The following NPAS3 variants were observed in gnomAD, a reference collection of about 807,000 sequenced individuals.
NPAS3 encodes the protein neuronal PAS domain protein 3.
NPAS3 carries 14 observed loss-of-function variants against 73.1 expected under a neutral mutation model. The ratio of observed to expected loss-of-function variants is 0.19; its 90% CI spans 0.13 to 0.30. The LOEUF (loss-of-function observed/expected upper bound fraction) is 0.30, where lower values mean the gene tolerates loss of function less well. Among genes scored for constraint, NPAS3 ranks in the 10% least tolerant of loss-of-function variants. The pLI, the probability that NPAS3 is intolerant of heterozygous loss-of-function variation, is 1.00. For synonymous variants in NPAS3, 620 were observed against 541.5 expected (o/e 1.14, Z -2.01); for missense variants, 1,096 against 1,250.0 (o/e 0.88, Z 1.86).
intron 2 of NPAS3, among the ~76,000 whole-genome samples, chr14:33,156,718 C>T (rs2044660468): frequency 6.6e-6 from 1 of 152,076 alleles, no homozygotes; most frequent in South Asian, 2.1e-4. Context: ...ATTGTGCTTT[C>T]CATTACAAAT....
chr14:33,775,450 G>A (rs1262176884), intron 8 of NPAS3, among the ~76,000 whole-genome samples: 1 of 152,196 alleles, frequency 6.6e-6, no homozygotes. Context: ...GATCCGAATG[G>A]TCAAGTGACT....
At chr14:33,098,647 G>T (rs899233662) in intron 2 of NPAS3, among the ~76,000 whole-genome samples, 1 of 152,138 alleles carries the variant, frequency 6.6e-6, no homozygotes, top group African/African-American at 2.4e-5. Context: ...CAAAGTTCCG[G>T]TCTCTACAGT....
At chr14:33,518,918 C>T (rs958276752) in intron 4 of NPAS3, among the ~76,000 whole-genome samples, 11 of 152,064 alleles carry the variant, frequency 7.2e-5, no homozygotes, top group Non-Finnish European at 1.5e-5. Context: ...CAATAGTAGA[C>T]TCTTGATAAA....
At chr14:32,962,939 T>C (rs1566803836) in intron 1 of NPAS3, among the ~76,000 whole-genome samples, 1 of 151,528 alleles carries the variant, frequency 6.6e-6, no homozygotes, top group Non-Finnish European at 1.5e-5. Context: ...GGCCTTGGTC[T>C]CCTGGGTTCA....
intron 3 of NPAS3, among the ~76,000 whole-genome samples, chr14:33,354,933 C>A (rs2045264353): frequency 6.6e-6 from 1 of 152,150 alleles, no homozygotes; most frequent in African/African-American, 2.4e-5. Context: ...CACAGTTCCA[C>A]CCTCTGCACC....
chr14:33,011,655 G>A (rs2039201906), intron 1 of NPAS3, among the ~76,000 whole-genome samples: 1 of 152,132 alleles, frequency 6.6e-6, no homozygotes, highest in Admixed American at 6.5e-5. Context: ...TTCTAAAGCA[G>A]AGTCCTTCAT....
At chr14:33,465,733 T>C (rs1361008018) in intron 4 of NPAS3, among the ~76,000 whole-genome samples, 2 of 152,230 alleles carry the variant, frequency 1.3e-5, no homozygotes, top group Non-Finnish European at 2.9e-5. Flanking sequence ...TTTTATTTCC[T>C]TTCGCAAAAC....
intron 5 of NPAS3, among the ~76,000 whole-genome samples, chr14:33,652,316 T>A (rs1182507148): frequency 6.0e-4 from 91 of 152,184 alleles, no homozygotes; most frequent in Non-Finnish European, 2.6e-4. Flanking sequence ...AAACAGCACC[T>A]TTTCACCTTT....
chr14:33,439,429 T>A (rs1456423637), intron 4 of NPAS3, among the ~76,000 whole-genome samples: 1 of 152,216 alleles, frequency 6.6e-6, no homozygotes, highest in Admixed American at 6.5e-5. Context: ...ATCTCTGAGC[T>A]AAGATATCAT....
chr14:33,573,044 GT>G (rs2056290916), intron 5 of NPAS3, among the ~76,000 whole-genome samples: 3 of 119,060 alleles, frequency 2.5e-5, no homozygotes, highest in Non-Finnish European at 3.5e-5. Flanking sequence ...AAAAAAAAAA[GT>G]TAATTCTCAC....
intron 4 of NPAS3, among the ~76,000 whole-genome samples, chr14:33,551,812 A>G (rs1348762761): frequency 6.6e-6 from 1 of 152,072 alleles, no homozygotes; most frequent in African/African-American, 2.4e-5. Flanking sequence ...AATTTCTTCA[A>G]AGTCTGGTGG....
intron 3 of NPAS3, among the ~76,000 whole-genome samples, chr14:33,296,627 G>A (rs1234083747): frequency 1.3e-5 from 2 of 152,310 alleles, no homozygotes; most frequent in East Asian, 1.9e-4. Flanking sequence ...GTATTACAGA[G>A]ATCTGCTTCC....
intron 3 of NPAS3, among the ~76,000 whole-genome samples, chr14:33,228,773 T>A (rs1035899614): frequency 1.3e-5 from 2 of 152,162 alleles, no homozygotes; most frequent in African/African-American, 4.8e-5. Flanking sequence ...TTATTCATGT[T>A]GAAAGAGGTT....
intron 4 of NPAS3, among the ~76,000 whole-genome samples, chr14:33,519,126 TCA>T (rs2053445051): frequency 6.6e-6 from 1 of 152,112 alleles, no homozygotes; most frequent in Admixed American, 6.6e-5. Flanking sequence ...TTTAAGCAGC[TCA>T]CAGTTACAGT....
chr14:33,683,730 T>G (rs1399353697), intron 6 of NPAS3, among the ~76,000 whole-genome samples: 1 of 152,220 alleles, frequency 6.6e-6, no homozygotes, highest in African/African-American at 2.4e-5. Flanking sequence ...AGCAATTTAC[T>G]CATGATTGCT....
intron 5 of NPAS3, among the ~76,000 whole-genome samples, chr14:33,674,058 G>T (rs946496830): frequency 1.8e-4 from 27 of 152,138 alleles, no homozygotes; most frequent in African/African-American, 6.5e-4. Context: ...GTGCCCTAGT[G>T]CTCTGTGGCA....
intron 3 of NPAS3, among the ~76,000 whole-genome samples, chr14:33,338,818 A>C (rs28479772): frequency 0.021 from 3,247 of 152,256 alleles, 134 homozygotes; most frequent in African/African-American, 0.074. Context: ...ATTGCAGAAG[A>C]CATCCCATAC....
chr14:33,265,610 A>G (rs1049332647), intron 3 of NPAS3, among the ~76,000 whole-genome samples: 10 of 152,186 alleles, frequency 6.6e-5, no homozygotes, highest in Admixed American at 2.6e-4. Flanking sequence ...TCACACCAGT[A>G]CTAGCGGGGA....
chr14:33,466,055 C>T (rs909168243), intron 4 of NPAS3, among the ~76,000 whole-genome samples: 6 of 152,222 alleles, frequency 3.9e-5, no homozygotes, highest in Middle Eastern at 3.4e-3. Context: ...TGAGCAAAAC[C>T]GCAGTAGCAC....
Sources: allele counts gnomAD v4.1 joint callset (sites outside exome capture counted in the v4.1 genomes callset), GRCh38; gene constraint gnomAD v4.1.1; transcripts MANE v1.5; gene names NCBI Gene and HGNC (gene_info 2026-07-23, HGNC 2026-07-21).